The following TCERG1L variants were observed in gnomAD, a reference collection of about 807,000 sequenced individuals.
The protein encoded by TCERG1L is transcription elongation regulator 1 like.
In TCERG1L, 37 loss-of-function variants were observed where a neutral mutation model predicts 56.3. That is an observed-to-expected ratio of 0.66 (90% CI 0.51 to 0.87). TCERG1L has a LOEUF of 0.87. Ranked by LOEUF, TCERG1L falls within the 40% of genes least tolerant of loss-of-function variation. The pLI is 0.00. For missense variants in TCERG1L, 799 were observed against 774.2 expected, an observed-to-expected ratio of 1.03 and a Z score of -0.38; for synonymous variants, 324 against 326.3, an observed-to-expected ratio of 0.99 and a Z score of 0.08.
At position 131,118,693 on chromosome 10, in the gene TCERG1L, C is replaced by T. The variant is rs564016669; in HGVS notation, c.1260-1759G>A. On this transcript the variant is annotated intron_variant, in intron 8 of 11. Coordinates refer to ENST00000368642, the MANE Select transcript of TCERG1L (RefSeq NM_174937.4). This position sits in a 1 kb window ranked among gnomAD's most constrained non-coding sequence, Gnocchi z 4.2. ...CCATCCACTGACCCCCAACCCTGAC[C>T]GTGGCTATCAAATCCTGCTTTTCCA... is the stretch of plus-strand genomic sequence containing the variant. Among the ~76,000 whole-genome samples, 11 of 152,278 alleles carry T rather than the reference C, an allele frequency of 7.2e-5. No homozygotes were observed. The highest frequency in any genetic ancestry group is 1.9e-4 in the East Asian group (1 of 5,184).
At chr10:131,130,885 GC>G (rs1845611097) in intron 8 of TCERG1L, among the ~76,000 whole-genome samples, 1 of 152,032 alleles carries the variant, frequency 6.6e-6, no homozygotes, top group Non-Finnish European at 1.5e-5. Flanking sequence ...AGTGATCTCT[GC>G]ATCCCTGCAG....
intron 4 of TCERG1L, among the ~76,000 whole-genome samples, chr10:131,220,371 C>A (rs1159429608): frequency 6.6e-6 from 1 of 152,204 alleles, no homozygotes; most frequent in African/African-American, 2.4e-5. Context: ...CCTTGGGCCT[C>A]TGGCTCTGTC....
chr10:131,271,556 G>T (rs1846339709), intron 3 of TCERG1L, among the ~76,000 whole-genome samples: 1 of 152,244 alleles, frequency 6.6e-6, no homozygotes, highest in South Asian at 2.1e-4. Context: ...TGGCGTCATG[G>T]GCTCTGGGAC....
At chr10:131,193,230 T>C (rs1382183999) in intron 4 of TCERG1L, among the ~76,000 whole-genome samples, 1 of 152,178 alleles carries the variant, frequency 6.6e-6, no homozygotes, top group Non-Finnish European at 1.5e-5. Context: ...GTTGAGTTTT[T>C]TTGAGTTCTT....
chr10:131,280,180 G>A (rs2133561678), intron 3 of TCERG1L, among the ~76,000 whole-genome samples: 1 of 152,162 alleles, frequency 6.6e-6, no homozygotes, highest in South Asian at 2.1e-4. Context: ...GGGGCTTCCA[G>A]GTCATGGTAG....
chr10:131,139,389 C>T (rs547969907), intron 7 of TCERG1L, among the ~76,000 whole-genome samples: 1 of 152,298 alleles, frequency 6.6e-6, no homozygotes, highest in South Asian at 2.1e-4. Flanking sequence ...AGTCATCATG[C>T]ATCCAGACAG....
At chr10:131,152,207 G>A (rs1833421612) in intron 6 of TCERG1L, among the ~76,000 whole-genome samples, 1 of 152,116 alleles carries the variant, frequency 6.6e-6, no homozygotes, top group Non-Finnish European at 1.5e-5. Context: ...TCTATCGCGT[G>A]GTCAAGCTAC....
intron 1 of TCERG1L, among the ~76,000 whole-genome samples, chr10:131,310,152 A>T (rs1846869197): frequency 6.6e-6 from 1 of 152,318 alleles, no homozygotes; most frequent in Admixed American, 6.5e-5. Flanking sequence ...AAGGTTTTTT[A>T]AATTTTCTTT....
At chr10:131,169,321 T>C (rs1846064879) in intron 4 of TCERG1L, among the ~76,000 whole-genome samples, 1 of 152,024 alleles carries the variant, frequency 6.6e-6, no homozygotes, top group East Asian at 1.9e-4. Flanking sequence ...CCCAGGGCTC[T>C]GTCCCTCTGC....
chr10:131,185,468 T>C (rs1295732561), intron 4 of TCERG1L, among the ~76,000 whole-genome samples: 1 of 152,148 alleles, frequency 6.6e-6, no homozygotes, highest in African/African-American at 2.4e-5. Flanking sequence ...GGAGAAAATA[T>C]TTGCAAATTA....
At chr10:131,212,737 A>G (rs1845631698) in intron 4 of TCERG1L, among the ~76,000 whole-genome samples, 3 of 152,252 alleles carry the variant, frequency 2.0e-5, no homozygotes. Context: ...TAAAACAAAG[A>G]ATTAACTTGT....
intron 8 of TCERG1L, among the ~76,000 whole-genome samples, chr10:131,128,605 T>C (rs1048994024): frequency 6.6e-6 from 1 of 152,218 alleles, no homozygotes; most frequent in African/African-American, 2.4e-5. Flanking sequence ...TTTTGGAAAT[T>C]GATATTTAAA....
At chr10:131,151,818 T>C (rs1845870424) in intron 6 of TCERG1L, among the ~76,000 whole-genome samples, 1 of 152,220 alleles carries the variant, frequency 6.6e-6, no homozygotes, top group African/African-American at 2.4e-5. Context: ...GGCATTTCCA[T>C]ACTTCCTCTA....
chr10:131,292,818 T>A (rs897633837), intron 3 of TCERG1L, among the ~76,000 whole-genome samples: 1 of 152,078 alleles, frequency 6.6e-6, no homozygotes, highest in South Asian at 2.1e-4. Flanking sequence ...TGTTTTCGTG[T>A]CCATGAGAAT....
chr10:131,192,144 G>A (rs1845311326), intron 4 of TCERG1L, among the ~76,000 whole-genome samples: 1 of 143,242 alleles, frequency 7.0e-6, no homozygotes, highest in South Asian at 2.2e-4. Flanking sequence ...CAAAGGACTA[G>A]TATCCAGAAT....
intron 3 of TCERG1L, among the ~76,000 whole-genome samples, chr10:131,290,741 C>T (rs1846607594): frequency 6.6e-6 from 1 of 151,704 alleles, no homozygotes; most frequent in African/African-American, 2.4e-5. Flanking sequence ...GAAGGCCATA[C>T]ATTTTTTAAT....
At chr10:131,296,782 A>G (rs142100885) in intron 3 of TCERG1L, among the ~76,000 whole-genome samples, 60 of 152,322 alleles carry the variant, frequency 3.9e-4, no homozygotes, top group African/African-American at 1.3e-3. Context: ...GATTTCTTTC[A>G]TTAATGTTTC....
Position 131,104,752 on chromosome 10 carries a change from T to C in TCERG1L, c.1396-398A>G, listed in dbSNP as rs530445062. Among the ~76,000 whole-genome samples the C allele has an allele frequency of 2.5e-4, 38 of 152,336 alleles. No homozygotes were observed. The South Asian group carries it at 7.3e-3, about 29-fold the overall frequency. On this transcript the variant is annotated intron_variant, in intron 9 of 11. Coordinates refer to ENST00000368642, the MANE Select transcript of TCERG1L (RefSeq NM_174937.4). The stretch of plus-strand genomic sequence containing the variant: ...GTCTTGAAAACAGGCTGAGTTTAGG[T>C]GATTTGTAATCAAAGTTTAACCTCT...
intron 6 of TCERG1L, chr10:131,162,845 G>A (rs1478666264): frequency 6.5e-6 from 2 of 307,912 alleles, no homozygotes; most frequent in Non-Finnish European, 1.2e-5. Context: ...ACTTTCTTCA[G>A]CCACTGCCTT....
Sources: gnomAD v4.1 joint callset for allele counts (sites outside exome capture counted in the v4.1 genomes callset) on GRCh38, gnomAD v4.1.1 for gene constraint, Gnocchi (gnomAD v3.1) non-coding constraint, MANE v1.5 for transcripts, NCBI Gene and HGNC (gene_info 2026-07-23, HGNC 2026-07-21) for gene names.